The following SLC18A1 variants were observed in gnomAD, a reference collection of about 807,000 sequenced individuals.
SLC18A1 encodes the protein chromaffin granule amine transporter.
A neutral mutation model predicts 53.7 loss-of-function variants in SLC18A1; 69 were observed. That is an observed-to-expected ratio of 1.28 (90% confidence interval 1.06 to 1.57). The LOEUF is 1.57. Ranked by LOEUF, SLC18A1 falls within the 40% of genes most tolerant of loss-of-function variation. The pLI, the probability that SLC18A1 is intolerant of heterozygous loss-of-function variation, is 0.00. For missense variants in SLC18A1, 932 were observed against 668.1 expected, an observed-to-expected ratio of 1.40 and a Z score of -4.35; for synonymous variants, 320 against 248.1, an observed-to-expected ratio of 1.29 and a Z score of -2.72.
chr8:20,151,781 G>C (rs1563726873), intron 10 of SLC18A1, among the ~76,000 whole-genome samples: 2 of 152,014 alleles, frequency 1.3e-5, no homozygotes, highest in East Asian at 1.9e-4. Flanking sequence ...TACTTAACCT[G>C]TCTGAGTCTC....
Position 20,181,103 on chromosome 8 carries a change from G to C in SLC18A1, c.-123-16C>G, listed in dbSNP as rs573356878. On this transcript the variant is annotated splice_polypyrimidine_tract_variant and intron_variant, in intron 1 of 15. Transcript: ENST00000276373. Reference sequence around the variant, plus strand: ...AGGAAACTCACTATTAAAACGAAAAGTGCAAAGGGTTGCAAGTAGTAGGAT... The same window carrying C: ...AGGAAACTCACTATTAAAACGAAAACTGCAAAGGGTTGCAAGTAGTAGGAT... 5 of 948,210 alleles carry C rather than the reference G, an allele frequency of 5.3e-6. No homozygotes were observed. The African/African-American group carries it at 8.3e-5, about 16-fold the overall frequency. 58.7% of individuals were successfully genotyped at this position (948,210 alleles called of 1,614,324 possible). A position where few individuals can be genotyped will look rare whatever the true frequency, so the allele number is the denominator to read the frequency against.
rs79619797 is a variant in SLC18A1 at position 20,177,176 on chromosome 8, T to C, written c.547+1259A>G. Reference sequence around the variant, plus strand: ...GTTCCATGAACAGTGCTAATTTGAATTTCTTCATTTTCTTCAAGTCCACTA... The same window carrying C: ...GTTCCATGAACAGTGCTAATTTGAACTTCTTCATTTTCTTCAAGTCCACTA... On this transcript the variant is annotated intron_variant, in intron 4 of 15. Coordinates refer to ENST00000276373, the MANE Select transcript of SLC18A1 (RefSeq NM_003053.4). Among the ~76,000 whole-genome samples, 994 of 152,342 alleles carry C rather than the reference T, an allele frequency of 6.5e-3. 13 individuals carry two copies. Among genetic ancestry groups the C allele is most frequent in the African/African-American group, 0.023 (958 of 41,570 alleles).
intron 8 of SLC18A1, among the ~76,000 whole-genome samples, chr8:20,166,909 C>G (rs1343887543): frequency 1.3e-5 from 2 of 151,986 alleles, no homozygotes; most frequent in Admixed American, 6.6e-5. Flanking sequence ...GAGTAAAGGC[C>G]ATGTGAGGAC....
Position 20,166,295 on chromosome 8 carries a change from A to G in SLC18A1, c.859-1188T>C, listed in dbSNP as rs1344038151. ...TGTGTGGGTGTGTGTGTGTCTATAT[A>G]TATATATATATATATATATATATAT... On this transcript the variant is annotated intron_variant, in intron 8 of 15. Coordinates refer to ENST00000276373, the MANE Select transcript of SLC18A1 (RefSeq NM_003053.4). 9.9e-3 allele frequency among the ~76,000 whole-genome samples: 957 copies of G among 96,944 alleles called. 41 individuals carry two copies. Among genetic ancestry groups the G allele is most frequent in the African/African-American group, 0.044 (907 of 20,484 alleles). The allele number at this position is 96,944 out of a possible 152,430, so 63.6% of individuals were successfully genotyped here. A position where few individuals can be genotyped will look rare whatever the true frequency, so the allele number is the denominator to read the frequency against.
At chr8:20,157,055 G>T (rs1454006740) in intron 10 of SLC18A1, among the ~76,000 whole-genome samples, 4 of 152,140 alleles carry the variant, frequency 2.6e-5, no homozygotes, top group Non-Finnish European at 5.9e-5. Flanking sequence ...ACATCGGTGA[G>T]CGTAACTAAT....
At chr8:20,147,931 G>C in intron 13 of SLC18A1, 76 bp downstream of exon 13, 1 of 1,529,226 alleles carries the variant, frequency 6.5e-7, no homozygotes, top group Non-Finnish European at 9.0e-7. Context: ...CCTCTGATGA[G>C]AAAAGGGGGA....
At chr8:20,146,811 T>C (rs1321081086) in intron 15 of SLC18A1, among the ~76,000 whole-genome samples, 1 of 112,024 alleles carries the variant, frequency 8.9e-6, no homozygotes, top group Non-Finnish European at 1.8e-5. Flanking sequence ...GCAACAAGAG[T>C]GAAACTCCAT....
At chr8:20,173,996 A>C (rs1345055040) in intron 5 of SLC18A1, among the ~76,000 whole-genome samples, 6 of 151,276 alleles carry the variant, frequency 4.0e-5, no homozygotes, top group Non-Finnish European at 7.4e-5. Context: ...ACCCAAGCTC[A>C]AGCCATCCTC....
At chr8:20,174,200 A>G (rs2072198310) in intron 5 of SLC18A1, among the ~76,000 whole-genome samples, 161 bp downstream of exon 5, 1 of 152,132 alleles carries the variant, frequency 6.6e-6, no homozygotes, top group Non-Finnish European at 1.5e-5. Context: ...GGTGTGAGCC[A>G]CTGTGCCCAG....
intron 10 of SLC18A1, among the ~76,000 whole-genome samples, chr8:20,151,157 TGTTTG>T (rs769950314): frequency 1.4e-5 from 2 of 142,932 alleles, no homozygotes; most frequent in African/African-American, 5.2e-5. Context: ...GTTTTTTTTT[TGTTTG>T]TTTGTTTGTT....
rs2071372622 is a variant in SLC18A1 at position 20,145,560 on chromosome 8, G to A, written c.*203C>T. 1 of 413,698 alleles carries A rather than the reference G, an allele frequency of 2.4e-6. No individual in the cohort carries two copies. Among genetic ancestry groups the A allele is most frequent in the Non-Finnish European group, 4.3e-6 (1 of 232,504 alleles). 25.6% of individuals were successfully genotyped at this position (413,698 alleles called of 1,614,324 possible). On this transcript the variant is annotated 3_prime_UTR_variant, in exon 16 of 16. Transcript: ENST00000276373. ...GTCTTCCCATAAAAGATGGGCCACTGCGGCACCAAGGCATAGAGGAAGAGC... is the reference window on the plus strand; with the variant it reads ...GTCTTCCCATAAAAGATGGGCCACTACGGCACCAAGGCATAGAGGAAGAGC...
intron 10 of SLC18A1, among the ~76,000 whole-genome samples, chr8:20,154,469 A>G (rs907749433): frequency 6.6e-6 from 1 of 152,216 alleles, no homozygotes; most frequent in Non-Finnish European, 1.5e-5. Context: ...ATCTAACGAC[A>G]TGACATTCAA....
At chr8:20,172,092 A>G (rs13258461) in intron 6 of SLC18A1, among the ~76,000 whole-genome samples, 74,130 of 152,088 alleles carry the variant, frequency 0.49, 18,519 homozygotes, top group Middle Eastern at 0.69. Context: ...GGGCTCAGGA[A>G]GATTGTTCAG....
intron 12 of SLC18A1, 66 bp downstream of exon 12, chr8:20,149,609 TC>T (rs1414277938): frequency 7.1e-6 from 9 of 1,260,754 alleles, no homozygotes; most frequent in Admixed American, 1.8e-5. Flanking sequence ...TCTCTCTCTC[TC>T]TCTCTCTGTC....
intron 4 of SLC18A1, chr8:20,175,287 C>T (rs2072227904): frequency 6.6e-6 from 1 of 152,192 alleles, no homozygotes; most frequent in African/African-American, 2.4e-5. Flanking sequence ...AACACACACG[C>T]TTTATGAACA....
intron 15 of SLC18A1, 108 bp from the exon 16 acceptor site, chr8:20,145,984 C>T (rs1277446745): frequency 4.3e-5 from 23 of 530,882 alleles, no homozygotes; most frequent in African/African-American, 1.8e-4. Context: ...GGCGCAATCT[C>T]GGCTCACTGC....
At chr8:20,157,355 T>C (rs1208614438) in intron 10 of SLC18A1, among the ~76,000 whole-genome samples, 2 of 152,190 alleles carry the variant, frequency 1.3e-5, no homozygotes, top group Non-Finnish European at 1.5e-5. Flanking sequence ...GTCAGGTCAA[T>C]GATAGGGTGA....
At chr8:20,173,409 C>T (rs986257352) in intron 5 of SLC18A1, among the ~76,000 whole-genome samples, 7 of 152,140 alleles carry the variant, frequency 4.6e-5, no homozygotes, top group East Asian at 1.9e-4. Context: ...TGTTTCATAA[C>T]ATTTTATCAT....
Position 20,147,255 on chromosome 8 carries a change from T to C in SLC18A1, c.1464+3A>G. ...TTCTCTTTTAACAGTCGGTGCTCCT[T>C]ACAAGCTTCTCTTCCTTTGCCGGGG... On this transcript the variant is annotated splice_donor_region_variant and intron_variant, in intron 15 of 15. Transcript: ENST00000276373. The C allele has an allele frequency of 6.3e-7, 1 of 1,595,694 alleles. No individual in the cohort carries two copies. The highest frequency in any genetic ancestry group is 8.5e-7 in the Non-Finnish European group (1 of 1,174,166).
Sources: gnomAD v4.1 joint callset for allele counts (sites outside exome capture counted in the v4.1 genomes callset) on GRCh38, gnomAD v4.1.1 for gene constraint, MANE v1.5 for transcripts, NCBI Gene and HGNC (gene_info 2026-07-23, HGNC 2026-07-21) for gene names.